Variants in NFIA observed in about 807,000 individuals in gnomAD.
NFIA encodes nuclear factor I A.
A neutral mutation model predicts 62.8 loss-of-function variants in NFIA; 8 were observed. The observed-to-expected ratio is 0.13, with a 90% CI of 0.07 to 0.23. The LOEUF (loss-of-function observed/expected upper bound fraction) is 0.23, where lower values mean the gene tolerates loss of function less well. Ranked by LOEUF, NFIA falls within the 10% of genes least tolerant of loss-of-function variation. NFIA has a pLI of 1.00. For missense variants in NFIA, 410 were observed against 642.1 expected, an observed-to-expected ratio of 0.64 and a Z score of 3.91; for synonymous variants, 235 against 238.1, an observed-to-expected ratio of 0.99 and a Z score of 0.12.
At chr1:61,107,937 A>T (rs570543924) in intron 2 of NFIA, among the ~76,000 whole-genome samples, 2 of 151,754 alleles carry the variant, frequency 1.3e-5, no homozygotes, top group African/African-American at 4.8e-5. Context: ...ATGTAAAATG[A>T]TACCTCTGTC....
In NFIA at chr1:61,447,567, C is replaced by T. The variant is rs565698763; in HGVS notation, c.1513-7736C>T. ...CTGTCTGGGCTCCACCCAGAAAATC[C>T]GGCAGTGCCATCATGACCAAATAGA... is the stretch of plus-strand genomic sequence containing the variant. On this transcript the variant is annotated intron_variant, in intron 10 of 10. Coordinates refer to ENST00000403491, the MANE Select transcript of NFIA (RefSeq NM_001134673.4). Among the ~76,000 whole-genome samples the T allele has an allele frequency of 3.4e-3, 512 of 152,232 alleles. 2 individuals carry two copies. The highest frequency in any genetic ancestry group is 4.4e-3 in the Non-Finnish European group (298 of 68,026).
upstream of NFIA, among the ~76,000 whole-genome samples, chr1:61,078,546 TAGA>T (rs1646059409): frequency 6.6e-6 from 1 of 152,218 alleles, no homozygotes; most frequent in South Asian, 2.1e-4. Flanking sequence ...CTGATTATCT[TAGA>T]AGCTTTGGCA....
intron 3 of NFIA, among the ~76,000 whole-genome samples, chr1:61,311,033 G>A (rs1467921452): frequency 6.6e-6 from 1 of 152,190 alleles, no homozygotes; most frequent in Non-Finnish European, 1.5e-5. Flanking sequence ...TTAGGGAAAT[G>A]AACTAATGAA....
intron 2 of NFIA, among the ~76,000 whole-genome samples, chr1:61,208,234 A>G (rs1653023608): frequency 6.6e-6 from 1 of 152,096 alleles, no homozygotes; most frequent in African/African-American, 2.4e-5. Context: ...CACCAGTAAA[A>G]TCTTGCATCT....
intron 2 of NFIA, among the ~76,000 whole-genome samples, chr1:61,112,541 C>A (rs1278716930): frequency 1.3e-5 from 2 of 152,044 alleles, no homozygotes; most frequent in Non-Finnish European, 2.9e-5. Context: ...TTAAGATTGT[C>A]TTGTAATTGT....
chr1:61,199,996 CAAAATATAT>C (rs1348117593), intron 2 of NFIA, among the ~76,000 whole-genome samples: 2 of 120,274 alleles, frequency 1.7e-5, no homozygotes, highest in African/African-American at 6.5e-5. Flanking sequence ...CTCCAACTCA[CAAAATATAT>C]ATATGTATAT....
At chr1:61,152,299 CAA>C (rs1485535066) in intron 2 of NFIA, among the ~76,000 whole-genome samples, 4 of 152,144 alleles carry the variant, frequency 2.6e-5, no homozygotes, top group Non-Finnish European at 2.9e-5. Context: ...CTGGAGGAGT[CAA>C]AATCATCATT....
intron 3 of NFIA, among the ~76,000 whole-genome samples, chr1:61,320,521 C>A (rs973423704): frequency 1.3e-5 from 2 of 152,168 alleles, no homozygotes; most frequent in Non-Finnish European, 2.9e-5. Context: ...TATAATAGTA[C>A]ATTTAATATT....
At chr1:61,080,286 TA>T (rs113530690), upstream of NFIA, among the ~76,000 whole-genome samples, 3,645 of 142,946 alleles carry the variant, frequency 0.025, 101 homozygotes, top group African/African-American at 0.067. Flanking sequence ...CTTCCCCCAT[TA>T]AAAAAAAAAA....
At chr1:61,133,970 A>T (rs1415532449) in intron 2 of NFIA, among the ~76,000 whole-genome samples, 1 of 152,078 alleles carries the variant, frequency 6.6e-6, no homozygotes, top group Admixed American at 6.6e-5. Context: ...AACTAAAAAT[A>T]CAAAAATTAG....
chr1:61,406,939 G>C (rs1054146739), intron 9 of NFIA, among the ~76,000 whole-genome samples: 2 of 152,182 alleles, frequency 1.3e-5, no homozygotes, highest in African/African-American at 4.8e-5. Context: ...GGGTGGATGA[G>C]ATGGTGTAGC....
At chr1:61,356,382 C>T (rs1009243861) in intron 5 of NFIA, among the ~76,000 whole-genome samples, 7 of 152,038 alleles carry the variant, frequency 4.6e-5, no homozygotes, top group African/African-American at 1.4e-4. Flanking sequence ...CATTTTAAAA[C>T]AACAGGTAAT....
At position 61,461,492 on chromosome 1, in the gene NFIA, T is replaced by G. The variant is rs1424492145; in HGVS notation, c.*6172T>G. The G allele has an allele frequency of 6.6e-6, 1 of 152,134 alleles. No individual in the cohort carries two copies. Among genetic ancestry groups the G allele is most frequent in the Non-Finnish European group, 1.5e-5 (1 of 68,024 alleles). 9.4% of individuals were successfully genotyped at this position (152,134 alleles called of 1,614,324 possible). ...CCAAATTAAATAAATTTCATCTCAT[T>G]TTTTTCCCTAAACCAGCACCCATCT... On this transcript the variant is annotated 3_prime_UTR_variant, in exon 11 of 11. Transcript: ENST00000403491.
intron 3 of NFIA, among the ~76,000 whole-genome samples, chr1:61,282,294 T>C (rs1295547372): frequency 1.3e-5 from 2 of 152,158 alleles, no homozygotes; most frequent in East Asian, 1.9e-4. Flanking sequence ...CTAGCTCTGA[T>C]TGGTATCATT....
intron 2 of NFIA, among the ~76,000 whole-genome samples, chr1:61,223,151 CA>C (rs1654121889): frequency 6.6e-6 from 1 of 151,954 alleles, no homozygotes; most frequent in Non-Finnish European, 1.5e-5. Context: ...AATTTTTTAA[CA>C]GCAGTTCTTT....
intron 2 of NFIA, among the ~76,000 whole-genome samples, chr1:61,257,340 T>TG (rs1490305803): frequency 7.5e-6 from 1 of 133,506 alleles, no homozygotes; most frequent in Admixed American, 7.5e-5. Flanking sequence ...TTTTTTTTTT[T>TG]TTTTTTTTTT....
chr1:61,077,852 C>CTT (rs1179358669), upstream of NFIA, among the ~76,000 whole-genome samples: 11 of 113,486 alleles, frequency 9.7e-5, no homozygotes, highest in African/African-American at 3.5e-4. Flanking sequence ...TTTTCTTTTT[C>CTT]TTTTTTTTTT....
intron 2 of NFIA, among the ~76,000 whole-genome samples, chr1:61,179,993 C>T (rs1650644604): frequency 6.6e-6 from 1 of 152,166 alleles, no homozygotes; most frequent in African/African-American, 2.4e-5. Flanking sequence ...TCAATCAGGA[C>T]TCTTTATGCA....
At chr1:61,148,748 G>C (rs1170216761) in intron 2 of NFIA, among the ~76,000 whole-genome samples, 1 of 152,196 alleles carries the variant, frequency 6.6e-6, no homozygotes, top group Non-Finnish European at 1.5e-5. Context: ...TCCATTTATA[G>C]CATCAGTATC....
Sources: allele counts gnomAD v4.1 joint callset (sites outside exome capture counted in the v4.1 genomes callset), GRCh38; gene constraint gnomAD v4.1.1; transcripts MANE v1.5; gene names NCBI Gene and HGNC (gene_info 2026-07-23, HGNC 2026-07-21).